KIF21A: variants seen among roughly 807,000 people sequenced by gnomAD.
KIF21A encodes kinesin-like protein KIF21A.
A neutral mutation model predicts 202.9 loss-of-function variants in KIF21A; 114 were observed. The ratio of observed to expected loss-of-function variants is 0.56; its 90% CI spans 0.48 to 0.66. The LOEUF (loss-of-function observed/expected upper bound fraction) is 0.66. Ranked by LOEUF, KIF21A falls within the 30% of genes least tolerant of loss-of-function variation. KIF21A has a pLI of 0.00. For missense variants in KIF21A, 1,677 were observed against 1,994.9 expected, an observed-to-expected ratio of 0.84 and a Z score of 3.04; for synonymous variants, 667 against 670.8, an observed-to-expected ratio of 0.99 and a Z score of 0.09.
At chr12:39,313,570 G>A (rs1409046477) in intron 31 of KIF21A, among the ~76,000 whole-genome samples, 2 of 151,746 alleles carry the variant, frequency 1.3e-5, no homozygotes, top group Non-Finnish European at 3.0e-5. Flanking sequence ...CATACCTAAC[G>A]AGTCAAGGTC....
intron 10 of KIF21A, among the ~76,000 whole-genome samples, chr12:39,353,102 G>C (rs1948520503): frequency 6.6e-6 from 1 of 152,120 alleles, no homozygotes; most frequent in Non-Finnish European, 1.5e-5. Flanking sequence ...ATATTTCAGA[G>C]AAAGATGCTA....
intron 28 of KIF21A, among the ~76,000 whole-genome samples, chr12:39,318,914 G>A (rs1462432044): frequency 1.3e-5 from 2 of 151,936 alleles, no homozygotes; most frequent in Admixed American, 1.3e-4. Flanking sequence ...CCGGGAGGCG[G>A]AGTTTGCAGT....
intron 6 of KIF21A, among the ~76,000 whole-genome samples, chr12:39,365,917 C>G (rs1290967546): frequency 3.9e-5 from 6 of 152,012 alleles, no homozygotes; most frequent in African/African-American, 9.7e-5. Context: ...GTGGGAAGAT[C>G]AATTGAGCCC....
chr12:39,394,306 T>C (rs1460082980), intron 1 of KIF21A, among the ~76,000 whole-genome samples: 2 of 152,262 alleles, frequency 1.3e-5, no homozygotes, highest in Non-Finnish European at 2.9e-5. Context: ...TTAAACTTCA[T>C]TTTCATTAAC....
At chr12:39,300,612 T>C (rs1264960005) in intron 37 of KIF21A, among the ~76,000 whole-genome samples, 2 of 151,638 alleles carry the variant, frequency 1.3e-5, no homozygotes, top group African/African-American at 4.9e-5. Flanking sequence ...TAGATAGTCA[T>C]AAGAAATTAC....
At position 39,305,368 on chromosome 12, in the gene KIF21A, GAAAA is replaced by G. The variant is rs539400060; in HGVS notation, c.4443-434_4443-431del. ...GCAACAGAGCGAGAATCCGACTCAA[GAAAA>G]AAAAAAAAAAAAAAAAACAGAGATG... On this transcript the variant is annotated intron_variant, in intron 34 of 37. Coordinates refer to ENST00000361418, the MANE Select transcript of KIF21A (RefSeq NM_001173464.2). Among the ~76,000 whole-genome samples the G allele has an allele frequency of 4.3e-3, 338 of 78,788 alleles. 1 individual carries two copies. Among genetic ancestry groups the G allele is most frequent in the Middle Eastern group, 0.018 (2 of 110 alleles). The allele number at this position is 78,788 out of a possible 152,430, so 51.7% of individuals were successfully genotyped here. A position where few individuals can be genotyped will look rare whatever the true frequency, so the allele number is the denominator to read the frequency against.
At chr12:39,295,609 C>G (rs1268859158) in intron 37 of KIF21A, among the ~76,000 whole-genome samples, 3 of 150,896 alleles carry the variant, frequency 2.0e-5, no homozygotes, top group South Asian at 2.1e-4. Flanking sequence ...TCCACCCATT[C>G]AAGCATTGCA....
intron 12 of KIF21A, among the ~76,000 whole-genome samples, chr12:39,344,620 T>C (rs1947734064): frequency 6.6e-6 from 1 of 152,194 alleles, no homozygotes; most frequent in Admixed American, 6.6e-5. Flanking sequence ...CTTTCACTTC[T>C]ACATTAACTC....
At chr12:39,371,851 C>T (rs918150565) in intron 1 of KIF21A, among the ~76,000 whole-genome samples, 4 of 151,696 alleles carry the variant, frequency 2.6e-5, no homozygotes, top group African/African-American at 9.7e-5. Flanking sequence ...ACTGCTTGAA[C>T]CCAGGAGGTG....
chr12:39,331,907 A>G (rs980948443), intron 21 of KIF21A, 116 bp from the exon 22 acceptor site: 8 of 809,548 alleles, frequency 9.9e-6, no homozygotes, highest in Admixed American at 5.6e-5. Flanking sequence ...AGATGCTCAG[A>G]TAAGTGCAAT....
At chr12:39,421,849 T>TA (rs1954313894) in intron 1 of KIF21A, among the ~76,000 whole-genome samples, 2 of 147,512 alleles carry the variant, frequency 1.4e-5, no homozygotes, top group Non-Finnish European at 3.0e-5. Flanking sequence ...ATTACATATA[T>TA]AATTTATATA....
chr12:39,357,908 C>CAAAAAAAAAAAAAAAAAAAAAAA (rs56035929), intron 8 of KIF21A, among the ~76,000 whole-genome samples: 5 of 36,706 alleles, frequency 1.4e-4, no homozygotes, highest in African/African-American at 2.2e-4. Flanking sequence ...GACTCCATCT[C>CAAAAAAAAAAAAAAAAAAAAAAA]AAAAAAAAAA....
rs56035929 is a variant in KIF21A at position 39,357,908 on chromosome 12, C to CAAAAAAAAAAAAAA, written c.1215+256_1215+269dup. 8.4e-4 allele frequency among the ~76,000 whole-genome samples: 31 copies of CAAAAAAAAAAAAAA among 36,706 alleles called. 5 individuals are homozygous for CAAAAAAAAAAAAAA. Among genetic ancestry groups the CAAAAAAAAAAAAAA allele is most frequent in the Non-Finnish European group, 1.1e-3 (23 of 21,266 alleles). 24.1% of individuals were successfully genotyped at this position (36,706 alleles called of 152,430 possible). On this transcript the variant is annotated intron_variant, in intron 8 of 37. Transcript: ENST00000361418. ...TGGGTGATAGAGGGAGACTCCATCT[C>CAAAAAAAAAAAAAA]AAAAAAAAAAAAAAAAAAAAAAAAA...
intron 3 of KIF21A, 149 bp from the exon 4 acceptor site, chr12:39,368,181 G>C: frequency 1.7e-6 from 1 of 598,002 alleles, no homozygotes; most frequent in Non-Finnish European, 2.9e-6. Context: ...AAATGAATGA[G>C]GCTATTATTA....
In KIF21A at chr12:39,367,951, G is replaced by A; in HGVS notation, c.532C>T (p.His178Tyr). The change falls in exon 4 of 38, where the codon CAT (histidine) becomes TAT (tyrosine). Residue 178 changes from histidine to tyrosine, a missense_variant. Physicochemically the swap from His to Tyr is moderately conservative, Grantham distance 83. This residue lies in a region of KIF21A where 966 missense variants were observed against 1,180.9 expected (regional missense o/e 0.82). Coordinates refer to ENST00000361418, the MANE Select transcript of KIF21A (RefSeq NM_001173464.2). ...TAAATTCCTCCAGTTGAATCTTCAT[G>A]AATTCTTATATTTGATTTTTTACTT... Reference protein sequence around the residue: ...AKSKKSNIRIHEDSTGGIYTV... With the variant: ...AKSKKSNIRIYEDSTGGIYTV... 2.5e-6 allele frequency: 4 copies of A among 1,607,048 alleles called. No homozygotes were observed. The highest frequency in any genetic ancestry group is 3.4e-6 in the Non-Finnish European group (4 of 1,173,950).
At chr12:39,309,484 A>C in intron 33 of KIF21A, 102 bp downstream of exon 33, 1 of 857,338 alleles carries the variant, frequency 1.2e-6, no homozygotes, top group South Asian at 1.7e-5. Flanking sequence ...GGTATACAAA[A>C]ATTAAAATGC....
At chr12:39,322,989 G>T (rs1945447755) in intron 26 of KIF21A, 107 bp from the exon 27 acceptor site, 1 of 833,504 alleles carries the variant, frequency 1.2e-6, no homozygotes, top group Non-Finnish European at 1.9e-6. Flanking sequence ...CATTTAGCGT[G>T]TCTTTTCCTA....
chr12:39,406,147 C>A (rs1952573014), intron 1 of KIF21A, among the ~76,000 whole-genome samples: 2 of 151,778 alleles, frequency 1.3e-5, no homozygotes, highest in Admixed American at 1.3e-4. Context: ...TCTAACAGCA[C>A]CCCACTTCCT....
In KIF21A at chr12:39,332,275, T is replaced by C. The variant is rs1331968401; in HGVS notation, c.2990A>G (p.Asp997Gly). The change falls in exon 21 of 38, where the codon GAT (aspartate) becomes GGT (glycine). Residue 997 changes from aspartate to glycine, a missense_variant. Around this residue, in one of 3 missense-constraint regions of KIF21A, gnomAD observed 6 missense variants for 22.1 expected, o/e 0.27. Coordinates refer to ENST00000361418, the MANE Select transcript of KIF21A (RefSeq NM_001173464.2). ...ATCAGAAATACTGTCATTGATGTAA[T>C]CGATATTAGCAGTCAGTGACTCCAT... is the stretch of plus-strand genomic sequence containing the variant. ...EEMESLTANI[D>G]YINDSISDCQ... 1 of 1,613,856 alleles carries C rather than the reference T, an allele frequency of 6.2e-7. No homozygotes were observed.
Sources: gnomAD v4.1 joint callset for allele counts (sites outside exome capture counted in the v4.1 genomes callset) on GRCh38, gnomAD v4.1.1 for gene constraint, gnomAD v4.1.1 regional missense constraint, MANE v1.5 for transcripts, NCBI Gene and HGNC (gene_info 2026-07-23, HGNC 2026-07-21) for gene names.